ACTN1: variants seen among roughly 807,000 people sequenced by gnomAD.
ACTN1 encodes actinin alpha 1.
In ACTN1, 30 loss-of-function variants were observed where a neutral mutation model predicts 119.6. The ratio of observed to expected loss-of-function variants is 0.25; its 90% CI spans 0.19 to 0.34. The LOEUF (loss-of-function observed/expected upper bound fraction) is 0.34. ACTN1 is among the 10% of genes least tolerant of loss of function. The pLI, the probability that ACTN1 is intolerant of heterozygous loss-of-function variation, is 1.00. For missense variants in ACTN1, 764 were observed against 1,223.4 expected, an observed-to-expected ratio of 0.62 and a Z score of 5.60; for synonymous variants, 429 against 472.6, an observed-to-expected ratio of 0.91 and a Z score of 1.20.
At chr14:68,950,604 C>G (rs1251074011) in intron 1 of ACTN1, among the ~76,000 whole-genome samples, 1 of 151,386 alleles carries the variant, frequency 6.6e-6, no homozygotes, top group African/African-American at 2.4e-5. Flanking sequence ...CTCTGTCGCC[C>G]AGTCTGGAAT....
In ACTN1 at chr14:68,909,415, G is replaced by A. The variant is rs777359180; in HGVS notation, c.516-19C>T. On this transcript the variant is annotated intron_variant, in intron 5 of 21. Transcript: ENST00000394419. The surrounding 1 kb of genome is among the most constrained non-coding windows in gnomAD (Gnocchi z 4.1). ...CTTCCAGCTGCCCGGGGAGAGAGAA[G>A]AAGGAGCAGGCTGGTAAATGAGGCT... 1.9e-6 allele frequency: 3 copies of A among 1,613,580 alleles called. No homozygotes were observed. Among genetic ancestry groups the A allele is most frequent in the Non-Finnish European group, 1.7e-6 (2 of 1,179,704 alleles).
At chr14:68,954,856 T>A (rs1190596306) in intron 1 of ACTN1, among the ~76,000 whole-genome samples, 1 of 152,220 alleles carries the variant, frequency 6.6e-6, no homozygotes, top group Non-Finnish European at 1.5e-5. Flanking sequence ...TTTTTCTTTT[T>A]AAAAATTGTT....
intron 1 of ACTN1, among the ~76,000 whole-genome samples, chr14:68,972,163 C>T (rs1169921802): frequency 1.3e-5 from 2 of 152,172 alleles, no homozygotes; most frequent in Non-Finnish European, 2.9e-5. Flanking sequence ...GCCACCCTCT[C>T]CCCAACCCAC....
At chr14:68,910,450 G>A (rs970864234) in intron 4 of ACTN1, among the ~76,000 whole-genome samples, 1 of 152,156 alleles carries the variant, frequency 6.6e-6, no homozygotes, top group Non-Finnish European at 1.5e-5. Flanking sequence ...CCTGAGGGGT[G>A]CACACAGCTG....
chr14:68,896,469 C>G (rs2032890847), intron 8 of ACTN1, among the ~76,000 whole-genome samples: 1 of 152,158 alleles, frequency 6.6e-6, no homozygotes, highest in African/African-American at 2.4e-5. Flanking sequence ...GGGTGACAGG[C>G]CTTCCCCATC....
In ACTN1 at chr14:68,881,394, A is replaced by G. The variant is rs192503370; in HGVS notation, c.1954-405T>C. Among the ~76,000 whole-genome samples the G allele has an allele frequency of 2.6e-5, 4 of 152,172 alleles. 1 individual carries two copies. Among genetic ancestry groups the G allele is most frequent in the Admixed American group, 2.0e-4 (3 of 15,276 alleles). ...CTCGGCAGACCTCACTCACCTCCTCAGTACCCATGCTCTTGCTCCTGCTGT... is the reference window on the plus strand; with the variant it reads ...CTCGGCAGACCTCACTCACCTCCTCGGTACCCATGCTCTTGCTCCTGCTGT... On this transcript the variant is annotated intron_variant, in intron 16 of 21. Coordinates refer to ENST00000394419, the MANE Select transcript of ACTN1 (RefSeq NM_001130004.2).
chr14:68,890,012 G>C (rs944951185), intron 11 of ACTN1, 127 bp downstream of exon 11: 324 of 1,407,394 alleles, frequency 2.3e-4, no homozygotes, highest in Non-Finnish European at 2.9e-4. Context: ...CTTGCCTAAA[G>C]CCATGGAACT....
chr14:68,878,529 G>C lies in ACTN1; in HGVS notation c.2362-6C>G, dbSNP rs1484837821. On this transcript the variant is annotated splice_polypyrimidine_tract_variant and splice_region_variant and intron_variant, in intron 19 of 21. Transcript: ENST00000394419. This position sits in a 1 kb window ranked among gnomAD's most constrained non-coding sequence, Gnocchi z 4.4. ...TCCATCATGCCTGTCTTCTTCTGTG[G>C]GGGGCAGTGGTACCAAGACACAAGG... 1 of 1,609,104 alleles carries C rather than the reference G, an allele frequency of 6.2e-7. No individual in the cohort carries two copies. Among genetic ancestry groups the C allele is most frequent in the African/African-American group, 1.3e-5 (1 of 74,806 alleles).
chr14:68,972,108 G>C (rs1421987004), intron 1 of ACTN1, among the ~76,000 whole-genome samples: 1 of 152,124 alleles, frequency 6.6e-6, no homozygotes, highest in African/African-American at 2.4e-5. Flanking sequence ...ATAGACAGAG[G>C]TTAGGGAGAA....
chr14:68,925,767 C>A lies in ACTN1; in HGVS notation c.106-95G>T. 1.1e-6 allele frequency: 1 copy of A among 930,022 alleles called. No individual in the cohort carries two copies. The allele number at this position is 930,022 out of a possible 1,614,324, so 57.6% of individuals were successfully genotyped here. A position where few individuals can be genotyped will look rare whatever the true frequency, so the allele number is the denominator to read the frequency against. ...ATGGTGCCAGGGGGTGGGAGGTGGA[C>A]ACCTACTCAGCAGAGCCTCTCAACA... On this transcript the variant is annotated intron_variant, in intron 1 of 21. Coordinates refer to ENST00000394419, the MANE Select transcript of ACTN1 (RefSeq NM_001130004.2). This position sits in a 1 kb window ranked among gnomAD's most constrained non-coding sequence, Gnocchi z 4.3.
At chr14:68,967,454 C>G (rs78861269) in intron 1 of ACTN1, among the ~76,000 whole-genome samples, 3,165 of 152,270 alleles carry the variant, frequency 0.021, 54 homozygotes, top group Non-Finnish European at 0.033. Flanking sequence ...CCTGAAAGTC[C>G]ATTACTAGGG....
At chr14:68,960,456 T>C (rs139426466) in intron 1 of ACTN1, among the ~76,000 whole-genome samples, 28 of 152,310 alleles carry the variant, frequency 1.8e-4, no homozygotes, top group African/African-American at 4.3e-4. Context: ...AATCATCACA[T>C]TGCATAACTG....
chr14:68,890,436 A>G, intron 10 of ACTN1, 150 bp from the exon 11 acceptor site: 1 of 926,288 alleles, frequency 1.1e-6, no homozygotes, highest in South Asian at 1.9e-5. Context: ...AGGCTGCCCC[A>G]CCATACCTCC....
chr14:68,956,975 G>A (rs535177870), intron 1 of ACTN1, among the ~76,000 whole-genome samples: 120 of 152,006 alleles, frequency 7.9e-4, no homozygotes, highest in African/African-American at 2.8e-3. Flanking sequence ...TCCCAACAGG[G>A]AGCTCTTCAC....
intron 13 of ACTN1, 63 bp downstream of exon 13, chr14:68,884,712 A>T: frequency 4.4e-6 from 6 of 1,366,850 alleles, no homozygotes; most frequent in Non-Finnish European, 6.3e-6. Context: ...AGAGTCAAGA[A>T]GCAGGAAGGG....
intron 1 of ACTN1, among the ~76,000 whole-genome samples, chr14:68,952,308 A>G (rs765559714): frequency 7.9e-5 from 12 of 152,214 alleles, no homozygotes; most frequent in Non-Finnish European, 1.2e-4. Context: ...CGCAGCAGCA[A>G]TGACCCACCC....
intron 11 of ACTN1, among the ~76,000 whole-genome samples, 199 bp downstream of exon 11, chr14:68,889,940 T>C (rs912141276): frequency 2.6e-5 from 4 of 152,248 alleles, no homozygotes; most frequent in Non-Finnish European, 5.9e-5. Context: ...CCTGTGAGGT[T>C]GGTACTATTA....
At chr14:68,972,260 C>G (rs1359171131) in intron 1 of ACTN1, among the ~76,000 whole-genome samples, 1 of 152,124 alleles carries the variant, frequency 6.6e-6, no homozygotes, top group East Asian at 1.9e-4. Context: ...CCGCTTTCTA[C>G]AAAAGCTCCC....
At chr14:68,936,800 T>C (rs941417318) in intron 1 of ACTN1, 9 of 608,276 alleles carry the variant, frequency 1.5e-5, no homozygotes, top group Middle Eastern at 3.4e-4. Context: ...ACACTTGTGG[T>C]GCCAACGCCA....
Sources: allele counts gnomAD v4.1 joint callset (sites outside exome capture counted in the v4.1 genomes callset), GRCh38; gene constraint gnomAD v4.1.1; non-coding constraint Gnocchi (gnomAD v3.1); transcripts MANE v1.5; gene names NCBI Gene and HGNC (gene_info 2026-07-23, HGNC 2026-07-21).